The following JMJD1C variants were observed in gnomAD, a reference collection of about 807,000 sequenced individuals.
JMJD1C encodes jumonji domain-containing protein 1C.
Under a neutral mutation model 245.3 loss-of-function variants are expected in JMJD1C, and 31 were observed. That is an observed-to-expected ratio of 0.13 (90% confidence interval 0.09 to 0.17). The LOEUF (loss-of-function observed/expected upper bound fraction) is 0.17, where lower values mean the gene tolerates loss of function less well. JMJD1C is among the 10% of genes least tolerant of loss of function. JMJD1C has a pLI of 1.00. For synonymous variants in JMJD1C, 1,057 were observed against 1,017.4 expected (o/e 1.04, Z -0.74); for missense variants, 2,691 against 3,000.2 (o/e 0.90, Z 2.41).
intron 2 of JMJD1C, among the ~76,000 whole-genome samples, chr10:63,284,031 T>C (rs1857696517): frequency 6.6e-6 from 1 of 151,512 alleles, no homozygotes; most frequent in Non-Finnish European, 1.5e-5. Flanking sequence ...TTTTTTTTTG[T>C]TTTTTGGGAG....
intron 1 of JMJD1C, among the ~76,000 whole-genome samples, chr10:63,406,210 AAGTAAATGAAG>A (rs1949160572): frequency 6.6e-6 from 1 of 152,176 alleles, no homozygotes; most frequent in Admixed American, 6.5e-5. Flanking sequence ...CATAGTTAAA[AAGTAAATGAAG>A]AGCAAATAAG....
At chr10:63,419,473 C>T (rs1159531567) in intron 1 of JMJD1C, among the ~76,000 whole-genome samples, 1 of 152,050 alleles carries the variant, frequency 6.6e-6, no homozygotes, top group Non-Finnish European at 1.5e-5. Flanking sequence ...AACTACTGAG[C>T]CAAGACCTGA....
rs538071305 is a variant in JMJD1C at position 63,231,709 on chromosome 10, G to A, written c.448-11726C>T. 3.9e-5 allele frequency among the ~76,000 whole-genome samples: 6 copies of A among 152,258 alleles called. No homozygotes were observed. The South Asian group carries it at 6.2e-4, about 16-fold the overall frequency. ...CTCAGGAGGCTGAGACAGGAGAATC[G>A]CTTGAATCCAGAAGGCGGAGGTTGT... On this transcript the variant is annotated intron_variant, in intron 3 of 25. Transcript: ENST00000399262.
In JMJD1C at chr10:63,292,375, G is replaced by A. The variant is rs77133556; in HGVS notation, c.334-27611C>T. Among the ~76,000 whole-genome samples the A allele has an allele frequency of 2.4e-3, 372 of 151,940 alleles. 10 individuals are homozygous for A. In the East Asian group the frequency reaches 0.069, roughly 28 times the overall value. On this transcript the variant is annotated intron_variant, in intron 2 of 25. Transcript: ENST00000399262. ...GCCTGAAATCCCAACACTTTGGGGG[G>A]CCAAGGTGGGCAACTGCTTGAGGCC... is the stretch of plus-strand genomic sequence containing the variant.
chr10:63,239,611 A>G (rs1241794276), intron 3 of JMJD1C, among the ~76,000 whole-genome samples: 1 of 152,048 alleles, frequency 6.6e-6, no homozygotes, highest in Non-Finnish European at 1.5e-5. Context: ...CACACGGCTA[A>G]TTTTTGTATT....
chr10:63,357,791 G>C (rs914346548), intron 2 of JMJD1C, among the ~76,000 whole-genome samples: 1 of 149,838 alleles, frequency 6.7e-6, no homozygotes, highest in African/African-American at 2.5e-5. Context: ...CAGATAGGAT[G>C]CTGTGTTTAA....
chr10:63,233,331 TAA>T (rs1850244137), intron 3 of JMJD1C, among the ~76,000 whole-genome samples: 1 of 152,128 alleles, frequency 6.6e-6, no homozygotes, highest in African/African-American at 2.4e-5. Context: ...TCCCTAAGGA[TAA>T]AAGAGTATAG....
Position 63,183,563 on chromosome 10 carries a change from A to C in JMJD1C, c.6968T>G (p.Val2323Gly). Residue 2323 changes from valine (V) to glycine (G), a missense_variant, in exon 22 of 26, where the codon GTT becomes GGT. By Grantham distance (109) the Val-to-Gly change is moderately radical. Coordinates refer to ENST00000399262, the MANE Select transcript of JMJD1C (RefSeq NM_032776.3). ...TCCTATATCATGATCTTTAGCAGCAACTACACCTGTATATAAAACAAAATT... is the reference window on the plus strand; with the variant it reads ...TCCTATATCATGATCTTTAGCAGCACCTACACCTGTATATAAAACAAAATT... ...GPRLCSAYGV[V>G]AAKDHDIGTT... is the part of the protein sequence containing the mutation. The C allele has an allele frequency of 6.4e-7, 1 of 1,574,164 alleles. No individual in the cohort carries two copies. The highest frequency in any genetic ancestry group is 8.6e-7 in the Non-Finnish European group (1 of 1,160,246).
intron 1 of JMJD1C, 32 bp from the exon 2 acceptor site, chr10:63,380,514 C>CA: frequency 6.4e-7 from 1 of 1,560,820 alleles, no homozygotes; most frequent in Non-Finnish European, 8.8e-7. Context: ...ATTCAATTAG[C>CA]AAAATAGAAG....
chr10:63,414,979 G>A (rs1949718479), intron 1 of JMJD1C, among the ~76,000 whole-genome samples: 1 of 151,128 alleles, frequency 6.6e-6, no homozygotes, highest in African/African-American at 2.4e-5. Context: ...CAAACAATAG[G>A]TTGGTATTCC....
intron 1 of JMJD1C, among the ~76,000 whole-genome samples, chr10:63,437,822 A>C (rs1951142225): frequency 6.6e-6 from 1 of 152,196 alleles, no homozygotes; most frequent in South Asian, 2.1e-4. Context: ...TACTTCACTA[A>C]GCAGCATTTG....
At chr10:63,310,077 G>C (rs997762369) in intron 2 of JMJD1C, among the ~76,000 whole-genome samples, 10 of 152,074 alleles carry the variant, frequency 6.6e-5, no homozygotes, top group African/African-American at 2.4e-4. Context: ...ACCACTATCA[G>C]ATCACAGGAA....
Position 63,465,887 on chromosome 10 carries a change from G to C in JMJD1C, c.-225C>G. ...CCCAGATTCGCAGCCTTGTGCTGCA[G>C]CGCCACACAAGAAAACTGAAACAAA... On this transcript the variant is annotated 5_prime_UTR_variant, in exon 1 of 26. Coordinates refer to ENST00000399262, the MANE Select transcript of JMJD1C (RefSeq NM_032776.3). 4.5e-6 allele frequency: 3 copies of C among 664,752 alleles called. No homozygotes were observed. Among genetic ancestry groups the C allele is most frequent in the Non-Finnish European group, 5.5e-6 (2 of 366,876 alleles). 41.2% of individuals were successfully genotyped at this position (664,752 alleles called of 1,614,324 possible). A position where few individuals can be genotyped will look rare whatever the true frequency, so the allele number is the denominator to read the frequency against.
chr10:63,326,545 G>A (rs1472183349), intron 2 of JMJD1C, among the ~76,000 whole-genome samples: 1 of 152,040 alleles, frequency 6.6e-6, no homozygotes, highest in East Asian at 1.9e-4. Context: ...GGTGGAGGCG[G>A]AGAGGTGGAC....
At position 63,465,876 on chromosome 10, in the gene JMJD1C, C is replaced by G. The variant is rs539518290; in HGVS notation, c.-214G>C. 2.9e-6 allele frequency: 2 copies of G among 681,076 alleles called. No individual in the cohort carries two copies. The highest frequency in any genetic ancestry group is 1.8e-5 in the African/African-American group (1 of 56,628). The allele number at this position is 681,076 out of a possible 1,614,324, so 42.2% of individuals were successfully genotyped here. The stretch of plus-strand genomic sequence containing the variant: ...TCCTTTGGACTCCCAGATTCGCAGC[C>G]TTGTGCTGCAGCGCCACACAAGAAA... On this transcript the variant is annotated 5_prime_UTR_variant, in exon 1 of 26. Coordinates refer to ENST00000399262, the MANE Select transcript of JMJD1C (RefSeq NM_032776.3).
At chr10:63,245,683 A>T (rs370211711) in intron 3 of JMJD1C, among the ~76,000 whole-genome samples, 1 of 152,034 alleles carries the variant, frequency 6.6e-6, no homozygotes, top group East Asian at 1.9e-4. Flanking sequence ...AGGTTTCACC[A>T]TGTTGGCCAG....
At chr10:63,425,549 A>C (rs1950390639) in intron 1 of JMJD1C, among the ~76,000 whole-genome samples, 1 of 152,184 alleles carries the variant, frequency 6.6e-6, no homozygotes, top group African/African-American at 2.4e-5. Flanking sequence ...TGGGAGGCCA[A>C]GACAGGCAGA....
intron 1 of JMJD1C, among the ~76,000 whole-genome samples, chr10:63,518,590 C>T (rs1955100114): frequency 6.6e-6 from 1 of 152,100 alleles, no homozygotes; most frequent in Non-Finnish European, 1.5e-5. Flanking sequence ...TTCACATAAC[C>T]GTTGCATGTG....
At chr10:63,470,484 T>C (rs1215343910), upstream of JMJD1C, among the ~76,000 whole-genome samples, 1 of 152,082 alleles carries the variant, frequency 6.6e-6, no homozygotes, top group African/African-American at 2.4e-5. Flanking sequence ...AAAAGCAAGG[T>C]TTTTCCTGGG....
Sources: allele counts gnomAD v4.1 joint callset (sites outside exome capture counted in the v4.1 genomes callset), GRCh38; gene constraint gnomAD v4.1.1; transcripts MANE v1.5; gene names NCBI Gene and HGNC (gene_info 2026-07-23, HGNC 2026-07-21).